The following WWOX variants were observed in gnomAD, a reference collection of about 807,000 sequenced individuals.
WWOX encodes WW domain containing oxidoreductase, also known as WW domain-containing oxidoreductase.
A neutral mutation model predicts 46.2 loss-of-function variants in WWOX; 69 were observed. The ratio of observed to expected loss-of-function variants is 1.49; its 90% confidence interval spans 1.23 to 1.82. The LOEUF is 1.82. Ranked by LOEUF, WWOX falls within the 40% of genes most tolerant of loss-of-function variation. WWOX has a pLI of 0.00. For missense variants in WWOX, 919 were observed against 542.6 expected, an observed-to-expected ratio of 1.69 and a Z score of -6.89; for synonymous variants, 359 against 202.6, an observed-to-expected ratio of 1.77 and a Z score of -6.56.
At chr16:78,874,907 C>G (rs917166046) in intron 8 of WWOX, among the ~76,000 whole-genome samples, 1 of 152,088 alleles carries the variant, frequency 6.6e-6, no homozygotes, top group Non-Finnish European at 1.5e-5. Flanking sequence ...CCCCTTCAAG[C>G]ATAGAGACAC....
intron 8 of WWOX, chr16:78,996,376 A>C (rs367577631): frequency 0.016 from 7,389 of 470,628 alleles, 28 homozygotes; most frequent in Admixed American, 0.13. Context: ...TTCTGCACCC[A>C]CCCCCGCCCC....
intron 8 of WWOX, among the ~76,000 whole-genome samples, chr16:78,540,031 C>A (rs11642350): frequency 0.095 from 14,365 of 151,370 alleles, 908 homozygotes; most frequent in South Asian, 0.22. Context: ...CACACACACA[C>A]ACACACACAC....
chr16:78,383,420 G>C (rs916251175), intron 5 of WWOX, among the ~76,000 whole-genome samples: 2 of 152,100 alleles, frequency 1.3e-5, no homozygotes, highest in Non-Finnish European at 2.9e-5. Context: ...AAGATCATGA[G>C]CTAAACCAAT....
intron 6 of WWOX, among the ~76,000 whole-genome samples, chr16:78,401,216 T>C (rs1479615520): frequency 1.3e-5 from 2 of 151,642 alleles, no homozygotes; most frequent in Non-Finnish European, 3.0e-5. Context: ...TTGCAAGATA[T>C]TTTTTCTAAT....
chr16:79,031,822 C>T (rs936614532), intron 8 of WWOX, among the ~76,000 whole-genome samples: 2 of 111,160 alleles, frequency 1.8e-5, no homozygotes, highest in African/African-American at 5.8e-5. Context: ...TATATATAAT[C>T]TATATATGAT....
chr16:78,767,155 C>T (rs946459726), intron 8 of WWOX, among the ~76,000 whole-genome samples: 1 of 144,618 alleles, frequency 6.9e-6, no homozygotes, highest in Non-Finnish European at 1.5e-5. Context: ...GGGTCTCACT[C>T]TGTTGCCCAG....
chr16:78,205,926 CTTCT>C (rs1283750067), intron 5 of WWOX, among the ~76,000 whole-genome samples: 6 of 150,002 alleles, frequency 4.0e-5, no homozygotes, highest in Non-Finnish European at 8.9e-5. Context: ...CCTTTCCTTC[CTTCT>C]CTTTCTTTCT....
intron 8 of WWOX, among the ~76,000 whole-genome samples, chr16:78,970,475 G>T (rs375287181): frequency 6.6e-6 from 1 of 152,148 alleles, no homozygotes; most frequent in Non-Finnish European, 1.5e-5. Flanking sequence ...GGGGAACCTG[G>T]TACTACCTAA....
At chr16:79,050,935 C>T (rs11648205) in intron 8 of WWOX, among the ~76,000 whole-genome samples, 3,101 of 152,280 alleles carry the variant, frequency 0.02, 47 homozygotes, top group Non-Finnish European at 0.033. Context: ...TGAGGAGAAA[C>T]GAGAAATTAC....
intron 5 of WWOX, among the ~76,000 whole-genome samples, chr16:78,199,055 C>T (rs1403505167): frequency 5.3e-5 from 8 of 152,176 alleles, no homozygotes; most frequent in East Asian, 3.9e-4. Context: ...AATTAAATCT[C>T]CCATGCATCC....
intron 8 of WWOX, chr16:79,101,787 A>G (rs1488162249): frequency 2.7e-5 from 4 of 150,572 alleles, no homozygotes; most frequent in Admixed American, 2.0e-4. Context: ...TTTCACATCT[A>G]CTTTCCAGAT....
chr16:78,796,882 G>T (rs2050751426), intron 8 of WWOX, among the ~76,000 whole-genome samples: 1 of 150,076 alleles, frequency 6.7e-6, no homozygotes, highest in South Asian at 2.1e-4. Context: ...CTGGAGTGCA[G>T]TGGTGCGATC....
intron 8 of WWOX, among the ~76,000 whole-genome samples, chr16:78,999,848 C>T (rs1244932636): frequency 6.6e-6 from 1 of 152,022 alleles, no homozygotes; most frequent in Non-Finnish European, 1.5e-5. Context: ...CACTTGTACC[C>T]TTGAAATACA....
At chr16:79,090,344 A>G (rs2048934922) in intron 8 of WWOX, among the ~76,000 whole-genome samples, 1 of 151,014 alleles carries the variant, frequency 6.6e-6, no homozygotes, top group African/African-American at 2.4e-5. Context: ...ATTGGTGTCT[A>G]AAGCCATGCT....
At chr16:78,481,539 A>G (rs2667563) in intron 8 of WWOX, among the ~76,000 whole-genome samples, 148,403 of 152,040 alleles carry the variant, frequency 0.98, 72,514 homozygotes, top group East Asian at 1. Context: ...GTCATCCCTC[A>G]CCTCCCACCA....
intron 8 of WWOX, among the ~76,000 whole-genome samples, chr16:78,980,709 G>A (rs938315001): frequency 3.3e-5 from 5 of 152,042 alleles, no homozygotes; most frequent in African/African-American, 4.8e-5. Flanking sequence ...AAGGGGACCC[G>A]GATCAGCTCC....
At chr16:78,665,112 A>G (rs1208480175) in intron 8 of WWOX, among the ~76,000 whole-genome samples, 1 of 152,174 alleles carries the variant, frequency 6.6e-6, no homozygotes, top group Non-Finnish European at 1.5e-5. Flanking sequence ...TGGGGACAAA[A>G]GATAGCAGAG....
At chr16:78,764,969 G>A (rs1328351050) in intron 8 of WWOX, among the ~76,000 whole-genome samples, 1 of 152,130 alleles carries the variant, frequency 6.6e-6, no homozygotes, top group Non-Finnish European at 1.5e-5. Flanking sequence ...TATTTTTTGA[G>A]CTTTCAGAAA....
At chr16:79,007,984 G>T (rs920223869) in intron 8 of WWOX, among the ~76,000 whole-genome samples, 1 of 152,180 alleles carries the variant, frequency 6.6e-6, no homozygotes, top group Non-Finnish European at 1.5e-5. Flanking sequence ...TAGTATATTT[G>T]TTATCTCATA....
Sources: allele counts gnomAD v4.1 joint callset (sites outside exome capture counted in the v4.1 genomes callset), GRCh38; gene constraint gnomAD v4.1.1; transcripts MANE v1.5; gene names NCBI Gene and HGNC (gene_info 2026-07-23, HGNC 2026-07-21).